Variants in ACSBG1 observed in about 807,000 individuals in gnomAD.
ACSBG1 encodes long-chain-fatty-acid--CoA ligase ACSBG1.
A neutral mutation model predicts 80.2 loss-of-function variants in ACSBG1; 39 were observed. That is an observed-to-expected ratio of 0.49 (90% CI 0.38 to 0.64). The LOEUF (loss-of-function observed/expected upper bound fraction) is 0.64, where lower values mean the gene tolerates loss of function less well. ACSBG1 is among the 30% of genes least tolerant of loss of function. ACSBG1 has a pLI of 0.00. For missense variants in ACSBG1, 828 were observed against 966.4 expected, an observed-to-expected ratio of 0.86 and a Z score of 1.90; for synonymous variants, 392 against 379.5, an observed-to-expected ratio of 1.03 and a Z score of -0.38.
intron 2 of ACSBG1, among the ~76,000 whole-genome samples, chr15:78,196,388 A>G (rs1184246070): frequency 2.6e-5 from 4 of 152,064 alleles, no homozygotes; most frequent in African/African-American, 9.7e-5. Flanking sequence ...GGGTTCAAAA[A>G]CCTCAATTCT....
In ACSBG1 at chr15:78,171,276, A is replaced by G. The variant is rs1351213458; in HGVS notation, c.*168T>C. Reference sequence around the variant, plus strand: ...GTGAAGCTTCTTGGAATTGTCAGCTATTGTTGGCGTAAGACCTGGTAAATG... The same window carrying G: ...GTGAAGCTTCTTGGAATTGTCAGCTGTTGTTGGCGTAAGACCTGGTAAATG... On this transcript the variant is annotated 3_prime_UTR_variant, in exon 14 of 14. Transcript: ENST00000258873. The G allele has an allele frequency of 7.6e-6, 4 of 526,728 alleles. No homozygotes were observed. Among genetic ancestry groups the G allele is most frequent in the Non-Finnish European group, 1.4e-5 (4 of 294,960 alleles). The allele number at this position is 526,728 out of a possible 1,614,324, so 32.6% of individuals were successfully genotyped here. A position where few individuals can be genotyped will look rare whatever the true frequency, so the allele number is the denominator to read the frequency against.
At chr15:78,225,435 A>AT (rs61319758) in intron 1 of ACSBG1, among the ~76,000 whole-genome samples, 17 of 129,456 alleles carry the variant, frequency 1.3e-4, no homozygotes, top group African/African-American at 3.8e-4. Context: ...AAATAAATAA[A>AT]AATAAATTAA....
At position 78,212,603 on chromosome 15, in the gene ACSBG1, C is replaced by G. The variant is rs867600184; in HGVS notation, c.132-4501G>C. 18 of 455,880 alleles carry G rather than the reference C, an allele frequency of 3.9e-5. 1 individual carries two copies. In the Middle Eastern group the frequency reaches 4.3e-3, roughly 108 times the overall value. 28.2% of individuals were successfully genotyped at this position (455,880 alleles called of 1,614,324 possible). A position where few individuals can be genotyped will look rare whatever the true frequency, so the allele number is the denominator to read the frequency against. Reference sequence around the variant, plus strand: ...GAGCAGGAGCACCTCTGGCATGGTGCCTGGGGGGTGGCTGCAATCTGTGAG... The same window carrying G: ...GAGCAGGAGCACCTCTGGCATGGTGGCTGGGGGGTGGCTGCAATCTGTGAG... On this transcript the variant is annotated intron_variant, in intron 1 of 13. Coordinates refer to ENST00000258873, the MANE Select transcript of ACSBG1 (RefSeq NM_015162.5).
At chr15:78,201,411 C>T (rs1403689474) in intron 2 of ACSBG1, among the ~76,000 whole-genome samples, 2 of 152,230 alleles carry the variant, frequency 1.3e-5, no homozygotes. Context: ...AGCACAGAGA[C>T]AGGCTCACAG....
chr15:78,215,884 G>A (rs564342582), intron 1 of ACSBG1, among the ~76,000 whole-genome samples: 1 of 152,288 alleles, frequency 6.6e-6, no homozygotes, highest in South Asian at 2.1e-4. Context: ...CTTGGGAAAT[G>A]TGTAATCTAC....
chr15:78,197,344 T>C (rs1322739715), intron 2 of ACSBG1, among the ~76,000 whole-genome samples: 3 of 152,140 alleles, frequency 2.0e-5, no homozygotes, highest in Non-Finnish European at 2.9e-5. Context: ...TCTGTAAATT[T>C]GCTAAAAATA....
chr15:78,173,108 G>A (rs566380343), intron 13 of ACSBG1, among the ~76,000 whole-genome samples: 7 of 152,276 alleles, frequency 4.6e-5, no homozygotes, highest in Non-Finnish European at 1.0e-4. Context: ...CACTTTGGGA[G>A]GCCGAGGCGG....
chr15:78,221,000 A>G (rs1261398842), intron 1 of ACSBG1, among the ~76,000 whole-genome samples: 1 of 152,254 alleles, frequency 6.6e-6, no homozygotes, highest in Non-Finnish European at 1.5e-5. Context: ...AGACTTGTAC[A>G]TAAATGTTCA....
chr15:78,199,354 G>C (rs2075145270), intron 2 of ACSBG1, among the ~76,000 whole-genome samples: 2 of 151,510 alleles, frequency 1.3e-5, no homozygotes, highest in Admixed American at 6.6e-5. Flanking sequence ...CAAAGTGCTA[G>C]GATTACAGGC....
intron 1 of ACSBG1, among the ~76,000 whole-genome samples, chr15:78,232,949 G>A (rs1181039095): frequency 6.6e-6 from 1 of 152,188 alleles, no homozygotes; most frequent in African/African-American, 2.4e-5. Flanking sequence ...CCAAAGTGCT[G>A]GGATTACAGG....
intron 5 of ACSBG1, among the ~76,000 whole-genome samples, chr15:78,183,241 G>A (rs772371741): frequency 6.6e-6 from 1 of 152,216 alleles, no homozygotes; most frequent in Non-Finnish European, 1.5e-5. Flanking sequence ...TAAGAAAGGG[G>A]TGCAATGTAA....
At chr15:78,204,689 C>T (rs999471706) in intron 2 of ACSBG1, among the ~76,000 whole-genome samples, 1 of 152,246 alleles carries the variant, frequency 6.6e-6, no homozygotes, top group African/African-American at 2.4e-5. Flanking sequence ...TTCCTGCCGG[C>T]CCCCATCGGA....
At position 78,182,113 on chromosome 15, in the gene ACSBG1, G is replaced by A. The variant is rs368100468; in HGVS notation, c.927C>T (p.Ala309=). 5.8e-5 allele frequency: 94 copies of A among 1,611,214 alleles called. No individual in the cohort carries two copies. Among genetic ancestry groups the A allele is most frequent in the South Asian group, 2.2e-4 (20 of 91,082 alleles). Residue 309 remains alanine (A), a synonymous_variant, in exon 8 of 14, where the codon GCC becomes GCT. Transcript: ENST00000258873. ...ITWTARYGSQ[A]GDIRPAEVQQ... ...GGACTTCTGCCGGCCGGATGTCACCGGCCTGGCTGCCGTACCGTGCCGTCC... is the reference window on the plus strand; with the variant it reads ...GGACTTCTGCCGGCCGGATGTCACCAGCCTGGCTGCCGTACCGTGCCGTCC...
intron 5 of ACSBG1, among the ~76,000 whole-genome samples, chr15:78,191,202 A>G (rs181730140): frequency 1.3e-5 from 2 of 152,366 alleles, no homozygotes; most frequent in East Asian, 1.9e-4. Flanking sequence ...TAATTTATCA[A>G]GAAAACATAA....
At chr15:78,209,313 G>C in intron 1 of ACSBG1, 1 of 450,822 alleles carries the variant, frequency 2.2e-6, no homozygotes, top group South Asian at 1.6e-5. Context: ...GGGGAGAAGG[G>C]GGATGACTGG....
chr15:78,203,480 G>T (rs1001978003), intron 2 of ACSBG1, among the ~76,000 whole-genome samples: 1 of 152,202 alleles, frequency 6.6e-6, no homozygotes, highest in African/African-American at 2.4e-5. Context: ...TGGGGGGTAG[G>T]CTTTCCCAGG....
intron 5 of ACSBG1, among the ~76,000 whole-genome samples, 199 bp downstream of exon 5, chr15:78,193,306 TC>T (rs1295381193): frequency 2.0e-5 from 3 of 152,220 alleles, no homozygotes; most frequent in African/African-American, 7.2e-5. Flanking sequence ...CTGGGGCATG[TC>T]CCTTGAGCCT....
chr15:78,174,246 C>T, intron 12 of ACSBG1, 139 bp downstream of exon 12: 1 of 1,188,258 alleles, frequency 8.4e-7, no homozygotes, highest in East Asian at 2.4e-5. Flanking sequence ...TCCTACAGTG[C>T]AGGCAGCACG....
chr15:78,174,300 CCT>C, intron 12 of ACSBG1, 83 bp downstream of exon 12: 1 of 1,571,466 alleles, frequency 6.4e-7, no homozygotes, highest in Non-Finnish European at 8.7e-7. Flanking sequence ...CTGGATGTGC[CCT>C]GTGCTGAATG....
Sources: allele counts gnomAD v4.1 joint callset (sites outside exome capture counted in the v4.1 genomes callset), GRCh38; gene constraint gnomAD v4.1.1; transcripts MANE v1.5; gene names NCBI Gene and HGNC (gene_info 2026-07-23, HGNC 2026-07-21).